Variants in NMNAT3 observed in about 807,000 individuals in gnomAD.
NMNAT3 encodes nicotinamide/nicotinic acid mononucleotide adenylyltransferase 3.
Under a neutral mutation model 24.8 loss-of-function variants are expected in NMNAT3, and 21 were observed. The observed-to-expected ratio is 0.85, with a 90% CI of 0.60 to 1.22. NMNAT3 has a LOEUF of 1.22. NMNAT3 is among the 50% of genes most tolerant of loss of function. The probability of loss-of-function intolerance (pLI) is 0.00; values close to 1 mark genes in which losing one functional copy is unlikely to be tolerated. For synonymous variants in NMNAT3, 136 were observed against 155.2 expected, an observed-to-expected ratio of 0.88 and a Z score of 0.92; for missense variants, 387 against 436.6, an observed-to-expected ratio of 0.89 and a Z score of 1.01.
intron 1 of NMNAT3, among the ~76,000 whole-genome samples, chr3:139,668,550 G>A (rs1656847307): frequency 6.6e-6 from 1 of 152,206 alleles, no homozygotes; most frequent in African/African-American, 2.4e-5. Flanking sequence ...ATAACAGAGA[G>A]GTGGCTCAAA....
intron 1 of NMNAT3, among the ~76,000 whole-genome samples, chr3:139,651,396 A>G (rs1304869272): frequency 6.6e-6 from 1 of 152,212 alleles, no homozygotes; most frequent in Non-Finnish European, 1.5e-5. Context: ...AAAATAACAG[A>G]CTAAAAACTC....
At chr3:139,575,744 TG>T (rs2108072184) in intron 5 of NMNAT3, 2 of 1,097,942 alleles carry the variant, frequency 1.8e-6, no homozygotes, top group Admixed American at 9.4e-5. Flanking sequence ...CCTGCCTGAG[TG>T]GTACCTTGGG....
chr3:139,577,688 C>T (rs1939540439), intron 5 of NMNAT3: 1 of 152,044 alleles, frequency 6.6e-6, no homozygotes, highest in African/African-American at 2.4e-5. Flanking sequence ...ATATAATTTT[C>T]AATATAAGGG....
intron 3 of NMNAT3, among the ~76,000 whole-genome samples, chr3:139,598,580 G>A (rs867824436): frequency 6.6e-6 from 1 of 152,048 alleles, no homozygotes; most frequent in Admixed American, 6.6e-5. Context: ...GACTCCACTC[G>A]GTCACAGTCT....
rs1171123117 is a variant in NMNAT3, at chr3:139,627,703, C to T, written c.22G>A (p.Val8Met). Residue 8 changes from valine (V) to methionine (M), a missense_variant, in exon 3 of 7, where the codon GTG becomes ATG. This residue lies in a region of NMNAT3 where 51 missense variants were observed against 55.6 expected (regional missense o/e 0.92). Transcript: ENST00000643695. ...TTAAAGGAGCCACAGGCCAGGAGCA[C>T]CACAGGTATTCGGCTCTTCATCTTG... The T allele has an allele frequency of 1.3e-6, 2 of 1,595,114 alleles. No homozygotes were observed. The highest frequency in any genetic ancestry group is 2.2e-5 in the East Asian group (1 of 44,774).
intron 3 of NMNAT3, among the ~76,000 whole-genome samples, chr3:139,624,399 G>A (rs1013374262): frequency 2.7e-5 from 4 of 150,862 alleles, no homozygotes; most frequent in Non-Finnish European, 4.4e-5. Flanking sequence ...TAATTCCACT[G>A]TGGTCAGAGA....
intron 1 of NMNAT3, among the ~76,000 whole-genome samples, chr3:139,658,318 A>C (rs2057310319): frequency 1.3e-5 from 2 of 152,184 alleles, no homozygotes; most frequent in Non-Finnish European, 2.9e-5. Context: ...CTAGGCTCAG[A>C]GTCCTGTCTC....
At chr3:139,597,006 A>G (rs952521927) in intron 3 of NMNAT3, among the ~76,000 whole-genome samples, 3 of 145,846 alleles carry the variant, frequency 2.1e-5, no homozygotes, top group African/African-American at 7.6e-5. Context: ...AGGAAATCCC[A>G]TACTTTGATT....
Position 139,599,595 on chromosome 3 carries a change from C to A in NMNAT3, c.110-16387G>T, listed in dbSNP as rs2054623730. The A allele has an allele frequency of 5.1e-6, 3 of 589,388 alleles. No individual in the cohort carries two copies. The Admixed American group carries it at 9.2e-5, about 18-fold the overall frequency. 36.5% of individuals were successfully genotyped at this position (589,388 alleles called of 1,614,324 possible). A position where few individuals can be genotyped will look rare whatever the true frequency, so the allele number is the denominator to read the frequency against. On this transcript the variant is annotated intron_variant, in intron 3 of 6. Coordinates refer to ENST00000643695, the MANE Select transcript of NMNAT3 (RefSeq NM_001320510.2). ...AATCTCAACTAAATGGTTATGCATG[C>A]CTTTACAAACAGACTGTTGTGATTA... is the stretch of plus-strand genomic sequence containing the variant.
chr3:139,626,937 T>C (rs1269090506), intron 3 of NMNAT3, among the ~76,000 whole-genome samples: 1 of 152,136 alleles, frequency 6.6e-6, no homozygotes, highest in South Asian at 2.1e-4. Flanking sequence ...AATACATTCA[T>C]AAATATACAA....
intron 1 of NMNAT3, among the ~76,000 whole-genome samples, chr3:139,648,486 T>C (rs2108379431): frequency 6.6e-6 from 1 of 152,368 alleles, no homozygotes; most frequent in South Asian, 2.1e-4. Context: ...AAATGCTTAG[T>C]TCTTAAAGCA....
chr3:139,569,683 T>G (rs1576513802), intron 6 of NMNAT3: 1 of 152,386 alleles, frequency 6.6e-6, no homozygotes, highest in Admixed American at 6.5e-5. Flanking sequence ...CACTCTCTTC[T>G]GGCTTGTAGA....
At chr3:139,647,769 G>A (rs1194495417) in intron 1 of NMNAT3, among the ~76,000 whole-genome samples, 1 of 152,094 alleles carries the variant, frequency 6.6e-6, no homozygotes, top group Admixed American at 6.5e-5. Context: ...CTGATGCCTT[G>A]GTTTTGGCTC....
chr3:139,570,504 C>A (rs982818136), intron 6 of NMNAT3: 2 of 152,094 alleles, frequency 1.3e-5, no homozygotes, highest in Non-Finnish European at 2.9e-5. Flanking sequence ...ATGATGGTGA[C>A]GTATAGATGG....
intron 6 of NMNAT3, among the ~76,000 whole-genome samples, chr3:139,573,123 G>A (rs574228506): frequency 3.3e-5 from 5 of 152,270 alleles, no homozygotes; most frequent in South Asian, 2.1e-4. Flanking sequence ...CAAATTAAGA[G>A]GATAATCCAA....
chr3:139,653,460 C>T (rs1476303587), intron 1 of NMNAT3, among the ~76,000 whole-genome samples: 1 of 152,182 alleles, frequency 6.6e-6, no homozygotes, highest in Non-Finnish European at 1.5e-5. Context: ...CCTACTCTTT[C>T]CTTTTATACT....
Position 139,560,578 on chromosome 3 carries a change from A to G in NMNAT3, c.*432T>C, listed in dbSNP as rs891218078. The G allele has an allele frequency of 4.3e-5, 7 of 163,994 alleles. No individual in the cohort carries two copies. Among genetic ancestry groups the G allele is most frequent in the Non-Finnish European group, 9.3e-5 (7 of 75,338 alleles). 10.2% of individuals were successfully genotyped at this position (163,994 alleles called of 1,614,324 possible). Reference sequence around the variant, plus strand: ...CTGTTCAGTAATTAGCATCCTGTCAAATCTTTCCAATCAAGACTAGCATGC... The same window carrying G: ...CTGTTCAGTAATTAGCATCCTGTCAGATCTTTCCAATCAAGACTAGCATGC... On this transcript the variant is annotated 3_prime_UTR_variant, in exon 7 of 7. Coordinates refer to ENST00000643695, the MANE Select transcript of NMNAT3 (RefSeq NM_001320510.2).
chr3:139,612,871 C>A (rs868594040), intron 3 of NMNAT3, among the ~76,000 whole-genome samples: 1 of 152,198 alleles, frequency 6.6e-6, no homozygotes, highest in South Asian at 2.1e-4. Flanking sequence ...CTGACAAAAA[C>A]AAGAAATGGG....
At chr3:139,629,659 A>C (rs2056210920) in intron 2 of NMNAT3, among the ~76,000 whole-genome samples, 1 of 152,164 alleles carries the variant, frequency 6.6e-6, no homozygotes, top group Non-Finnish European at 1.5e-5. Flanking sequence ...TGCTTATATC[A>C]AAGGAAACTG....
Sources: gnomAD v4.1 joint callset for allele counts (sites outside exome capture counted in the v4.1 genomes callset) on GRCh38, gnomAD v4.1.1 for gene constraint, gnomAD v4.1.1 regional missense constraint, MANE v1.5 for transcripts, NCBI Gene and HGNC (gene_info 2026-07-23, HGNC 2026-07-21) for gene names.